STXBP6: variants seen among roughly 807,000 people sequenced by gnomAD.
The protein encoded by STXBP6 is syntaxin binding protein 6.
In STXBP6, 21 loss-of-function variants were observed where a neutral mutation model predicts 26.9. That is an observed-to-expected ratio of 0.78 (90% CI 0.55 to 1.12). The LOEUF is 1.12. Ranked by LOEUF, STXBP6 falls within the 50% of genes most tolerant of loss-of-function variation. The pLI is 0.00. For synonymous variants in STXBP6, 97 were observed against 92.6 expected (o/e 1.05, Z -0.27); for missense variants, 232 against 257.9 (o/e 0.90, Z 0.69).
At chr14:24,887,111 A>G (rs1397280874) in intron 2 of STXBP6, among the ~76,000 whole-genome samples, 2 of 152,238 alleles carry the variant, frequency 1.3e-5, no homozygotes, top group Non-Finnish European at 2.9e-5. Context: ...GAAATGTATA[A>G]GCTCTTGATA....
At chr14:24,930,882 C>T (rs557663256) in intron 2 of STXBP6, among the ~76,000 whole-genome samples, 3 of 150,950 alleles carry the variant, frequency 2.0e-5, no homozygotes, top group Admixed American at 6.6e-5. Flanking sequence ...GAGGCCGAGG[C>T]GGGTGGATCA....
At chr14:25,026,498 A>T (rs1193521125) in intron 1 of STXBP6, among the ~76,000 whole-genome samples, 1 of 152,230 alleles carries the variant, frequency 6.6e-6, no homozygotes, top group East Asian at 1.9e-4. Flanking sequence ...ATACTGCTGC[A>T]GCAAAACTTA....
chr14:24,934,130 G>A (rs931100830), intron 2 of STXBP6, among the ~76,000 whole-genome samples: 7 of 152,222 alleles, frequency 4.6e-5, no homozygotes, highest in South Asian at 2.1e-4. Flanking sequence ...AATGAGTGGA[G>A]CATAAAATAT....
chr14:24,964,486 C>G (rs2073662787), intron 2 of STXBP6, among the ~76,000 whole-genome samples: 1 of 152,162 alleles, frequency 6.6e-6, no homozygotes, highest in Non-Finnish European at 1.5e-5. Context: ...CTCTCTCCCT[C>G]CCTGTCTCTT....
intron 2 of STXBP6, among the ~76,000 whole-genome samples, chr14:24,960,340 G>A (rs931246348): frequency 1.3e-5 from 2 of 152,144 alleles, no homozygotes; most frequent in Non-Finnish European, 1.5e-5. Flanking sequence ...TAGGACTCTA[G>A]CCTGGGGTCT....
At chr14:24,984,719 G>C (rs1310352955) in intron 1 of STXBP6, among the ~76,000 whole-genome samples, 2 of 152,164 alleles carry the variant, frequency 1.3e-5, no homozygotes, top group Non-Finnish European at 1.5e-5. Context: ...TGACATAAGA[G>C]ATGTATATAC....
chr14:24,934,605 C>T (rs77278956), intron 2 of STXBP6, among the ~76,000 whole-genome samples: 7 of 152,132 alleles, frequency 4.6e-5, no homozygotes, highest in Admixed American at 1.3e-4. Context: ...CCACGGTTAA[C>T]GGATCTGGGA....
At chr14:24,835,747 T>C (rs1327032346) in intron 4 of STXBP6, among the ~76,000 whole-genome samples, 3 of 152,230 alleles carry the variant, frequency 2.0e-5, no homozygotes, top group Non-Finnish European at 4.4e-5. Flanking sequence ...GATTAAAATA[T>C]TAATATAAAT....
chr14:25,041,617 G>C (rs558366457), intron 1 of STXBP6, among the ~76,000 whole-genome samples: 1 of 128,084 alleles, frequency 7.8e-6, no homozygotes, highest in South Asian at 2.6e-4. Context: ...CGCCCTATCT[G>C]ACCAAGCTTA....
At chr14:24,813,074 C>T (rs953784370) in intron 5 of STXBP6, among the ~76,000 whole-genome samples, 2 of 152,164 alleles carry the variant, frequency 1.3e-5, no homozygotes, top group African/African-American at 4.8e-5. Context: ...CTAGGAATAG[C>T]TGGGGTTCCC....
Position 24,812,110 on chromosome 14 carries a change from G to A in STXBP6, c.*599C>T, listed in dbSNP as rs1468174846. ...GATTTTTTTTTTTTTTTGAACGCTG[G>A]TGATGGTTCATGCAAAAGATTACTA... On this transcript the variant is annotated 3_prime_UTR_variant, in exon 6 of 6. Transcript: ENST00000323944. 1.3e-5 allele frequency: 2 copies of A among 150,640 alleles called. No homozygotes were observed. Among genetic ancestry groups the A allele is most frequent in the Non-Finnish European group, 3.0e-5 (2 of 67,752 alleles). The allele number at this position is 150,640 out of a possible 1,614,324, so 9.3% of individuals were successfully genotyped here. A position where few individuals can be genotyped will look rare whatever the true frequency, so the allele number is the denominator to read the frequency against.
Position 24,878,865 on chromosome 14 carries a change from C to T in STXBP6, c.155-21708G>A, listed in dbSNP as rs143579023. The stretch of plus-strand genomic sequence containing the variant: ...TGCAAATTAACAGGGAGCTATTATG[C>T]CTTTCCCTATTCTTACTGAAACAGA... On this transcript the variant is annotated intron_variant, in intron 2 of 5. Transcript: ENST00000323944. 1.1e-5 allele frequency: 5 copies of T among 435,052 alleles called. No homozygotes were observed. The East Asian group carries it at 2.9e-4, about 25-fold the overall frequency. 26.9% of individuals were successfully genotyped at this position (435,052 alleles called of 1,614,324 possible).
intron 1 of STXBP6, among the ~76,000 whole-genome samples, chr14:25,018,283 C>T (rs1323410517): frequency 6.6e-6 from 1 of 152,112 alleles, no homozygotes; most frequent in Non-Finnish European, 1.5e-5. Context: ...GGGTGCCTAC[C>T]CCAGGCCTAG....
chr14:24,888,082 T>A (rs967900873), intron 2 of STXBP6, among the ~76,000 whole-genome samples: 5 of 152,240 alleles, frequency 3.3e-5, no homozygotes, highest in Non-Finnish European at 7.3e-5. Context: ...TCATGATTCA[T>A]AGAAAAGGTA....
Position 24,820,742 on chromosome 14 carries a change from A to AT in STXBP6, c.452-1549dup, listed in dbSNP as rs1166005410. Among the ~76,000 whole-genome samples the AT allele has an allele frequency of 2.0e-5, 3 of 152,304 alleles. No homozygotes were observed. In the East Asian group the frequency reaches 5.8e-4, roughly 29 times the overall value. ...ACCTTCACGAATATTATCTCACTTG[A>AT]TTGTCACAATTCTGCTGATAGGATT... On this transcript the variant is annotated intron_variant, in intron 4 of 5. Transcript: ENST00000323944.
intron 2 of STXBP6, among the ~76,000 whole-genome samples, chr14:24,894,290 A>G (rs1468502858): frequency 6.6e-6 from 1 of 152,220 alleles, no homozygotes; most frequent in Non-Finnish European, 1.5e-5. Context: ...ACTCTCTTGA[A>G]TGTAAAAGGT....
intron 1 of STXBP6, among the ~76,000 whole-genome samples, chr14:24,977,391 T>C (rs1566528541): frequency 1.3e-5 from 2 of 152,334 alleles, no homozygotes; most frequent in East Asian, 3.9e-4. Context: ...TTTTATTTTT[T>C]TTTTAAATAC....
rs572249609 is a variant in STXBP6 at position 24,981,003 on chromosome 14, G to C, written c.-32-6153C>G. On this transcript the variant is annotated intron_variant, in intron 1 of 5. Coordinates refer to ENST00000323944, the MANE Select transcript of STXBP6 (RefSeq NM_001394410.1). ...CTGAATGACTTCTTCAGTTTATTCT[G>C]CTATACAACCAGGTCCAGAGCCACT... Among the ~76,000 whole-genome samples, 91 of 152,254 alleles carry C rather than the reference G, an allele frequency of 6.0e-4. 1 individual carries two copies. The highest frequency in any genetic ancestry group is 2.1e-3 in the African/African-American group (87 of 41,546).
At chr14:24,837,125 T>C (rs2068642377) in intron 4 of STXBP6, among the ~76,000 whole-genome samples, 1 of 152,178 alleles carries the variant, frequency 6.6e-6, no homozygotes, top group African/African-American at 2.4e-5. Flanking sequence ...TCAAATAGTT[T>C]GAATAAATGT....
Sources: allele counts gnomAD v4.1 joint callset (sites outside exome capture counted in the v4.1 genomes callset), GRCh38; gene constraint gnomAD v4.1.1; transcripts MANE v1.5; gene names NCBI Gene and HGNC (gene_info 2026-07-23, HGNC 2026-07-21).